The following TDRD5 variants were observed in gnomAD, a reference collection of about 807,000 sequenced individuals.
TDRD5 encodes tudor domain containing 5, also known as tudor domain-containing protein 5.
Under a neutral mutation model 120.6 loss-of-function variants are expected in TDRD5, and 41 were observed. The ratio of observed to expected loss-of-function variants is 0.34; its 90% CI spans 0.26 to 0.44. The LOEUF (loss-of-function observed/expected upper bound fraction) is 0.44, where lower values mean the gene tolerates loss of function less well. Ranked by LOEUF, TDRD5 falls within the 20% of genes least tolerant of loss-of-function variation. The probability of loss-of-function intolerance (pLI) is 1.00; values close to 1 mark genes in which losing one functional copy is unlikely to be tolerated. For synonymous variants in TDRD5, 430 were observed against 433.7 expected, an observed-to-expected ratio of 0.99 and a Z score of 0.11; for missense variants, 1,006 against 1,221.2, an observed-to-expected ratio of 0.82 and a Z score of 2.63.
intron 17 of TDRD5, among the ~76,000 whole-genome samples, chr1:179,670,708 C>T (rs1244684967): frequency 6.6e-6 from 1 of 152,158 alleles, no homozygotes; most frequent in South Asian, 2.1e-4. Flanking sequence ...CATATATCTT[C>T]TTTAGCTAAG....
intron 17 of TDRD5, among the ~76,000 whole-genome samples, chr1:179,674,725 A>T (rs964417129): frequency 3.3e-5 from 5 of 152,052 alleles, no homozygotes; most frequent in African/African-American, 1.2e-4. Context: ...ACTGCTTGTT[A>T]TTGGTCTGAT....
intron 15 of TDRD5, 68 bp from the exon 16 acceptor site, chr1:179,663,280 C>T (rs1679402211): frequency 1.1e-5 from 16 of 1,508,552 alleles, no homozygotes; most frequent in Non-Finnish European, 1.4e-5. Context: ...TTATCTTGCC[C>T]AAGTTATCCT....
chr1:179,663,438 C>G lies in TDRD5; in HGVS notation c.2596C>G (p.Pro866Ala). The change falls in exon 16 of 18, where the codon CCA becomes GCA. Residue 866 changes from proline (P) to alanine (A), a missense_variant. By Grantham distance (27) the Pro-to-Ala change is conservative. Around this residue, in one of 3 missense-constraint regions of TDRD5, gnomAD observed 403 missense variants for 448.1 expected, o/e 0.90. Transcript: ENST00000444136. ...TGGAACGAAAGTAGAAGTTCATAAGCCAGAAGTACTGGGTGCTCAGGAAAA... is the reference window on the plus strand; with the variant it reads ...TGGAACGAAAGTAGAAGTTCATAAGGCAGAAGTACTGGGTGCTCAGGAAAA... Reference protein sequence around the residue: ...VNGTKVEVHKPEVLGAQEKNT... With the variant: ...VNGTKVEVHKAEVLGAQEKNT... 1 of 1,613,658 alleles carries G rather than the reference C, an allele frequency of 6.2e-7. No individual in the cohort carries two copies. The highest frequency in any genetic ancestry group is 1.1e-5 in the South Asian group (1 of 91,026).
chr1:179,595,699 T>C lies in TDRD5; in HGVS notation c.712T>C (p.Cys238Arg). The change falls in exon 4 of 18, where the codon TGC becomes CGC. Residue 238 changes from cysteine to arginine, a missense_variant. Around this residue, in one of 3 missense-constraint regions of TDRD5, gnomAD observed 445 missense variants for 515.5 expected, o/e 0.86. Coordinates refer to ENST00000444136, the MANE Select transcript of TDRD5 (RefSeq NM_001199085.3). Reference sequence around the variant, plus strand: ...CACAGGCTTTCCGGTAGCAAAGCCATGCTTTTCACAACCCACTTCAAACAT... The same window carrying C: ...CACAGGCTTTCCGGTAGCAAAGCCACGCTTTTCACAACCCACTTCAAACAT... Reference protein sequence around the residue: ...YSTGFPVAKPCFSQPTSNMEP... With the variant: ...YSTGFPVAKPRFSQPTSNMEP... 6.2e-7 allele frequency: 1 copy of C among 1,613,756 alleles called. No homozygotes were observed. Among genetic ancestry groups the C allele is most frequent in the Non-Finnish European group, 8.5e-7 (1 of 1,179,828 alleles).
chr1:179,598,577 C>T (rs1477165130), intron 4 of TDRD5, among the ~76,000 whole-genome samples: 2 of 152,108 alleles, frequency 1.3e-5, no homozygotes, highest in African/African-American at 4.8e-5. Context: ...AAAGCTTGCG[C>T]ATATTTTGTT....
chr1:179,634,520 C>T lies in TDRD5; in HGVS notation c.1190C>T (p.Ser397Phe). 2 of 1,613,574 alleles carry T rather than the reference C, an allele frequency of 1.2e-6. No homozygotes were observed. The highest frequency in any genetic ancestry group is 1.7e-6 in the Non-Finnish European group (2 of 1,179,942). The change falls in exon 8 of 18, where the codon TCT becomes TTT. Residue 397 changes from serine to phenylalanine, a missense_variant. Ser to Phe is a radical substitution (Grantham distance 155). Transcript: ENST00000444136. ...TCCAGTCCACCTAGAAATTCATTGT[C>T]TACTGCTGCTGTCAAAGAGACTGTA... Reference protein sequence around the residue: ...CVSSPPRNSLSTAAVKETVWN... With the variant: ...CVSSPPRNSLFTAAVKETVWN...
At position 179,671,949 on chromosome 1, in the gene TDRD5, GGTGTGTGTGTGTGTGTGT is replaced by G. The variant is rs111855083; in HGVS notation, c.2860+2572_2860+2589del. ...TTTTTATGGCTGAGAAATATTCCATGGTGTGTGTGTGTGTGTGTGTGTGTGTGTGTGTGTGTGTGTGTG... is the reference window on the plus strand; with the variant it reads ...TTTTTATGGCTGAGAAATATTCCATGGTGTGTGTGTGTGTGTGTGTGTGTG... On this transcript the variant is annotated intron_variant, in intron 17 of 17. Transcript: ENST00000444136. Among the ~76,000 whole-genome samples the G allele has an allele frequency of 2.6e-3, 365 of 141,804 alleles. 1 individual carries two copies. The highest frequency in any genetic ancestry group is 0.011 in the Middle Eastern group (3 of 284). 93.0% of individuals were successfully genotyped at this position (141,804 alleles called of 152,430 possible). A position where few individuals can be genotyped will look rare whatever the true frequency, so the allele number is the denominator to read the frequency against.
intron 17 of TDRD5, among the ~76,000 whole-genome samples, chr1:179,672,045 A>G (rs1454433346): frequency 6.7e-6 from 1 of 150,222 alleles, no homozygotes; most frequent in Non-Finnish European, 1.5e-5. Context: ...AGCTGGTTCC[A>G]TGTTTTTACC....
At chr1:179,669,479 C>T in intron 17 of TDRD5, 75 bp downstream of exon 17, 3 of 1,519,332 alleles carry the variant, frequency 2.0e-6, no homozygotes, top group Non-Finnish European at 2.7e-6. Flanking sequence ...AACAAACCTT[C>T]ATTTATCCCT....
intron 17 of TDRD5, among the ~76,000 whole-genome samples, chr1:179,675,404 C>T (rs1056299239): frequency 5.4e-5 from 8 of 148,438 alleles, no homozygotes; most frequent in Admixed American, 2.0e-4. Flanking sequence ...CTCAGCCTCC[C>T]GAGTAGCTGG....
chr1:179,686,249 T>C (rs11585779), intron 17 of TDRD5, among the ~76,000 whole-genome samples: 51,254 of 152,064 alleles, frequency 0.34, 8,849 homozygotes, highest in Admixed American at 0.42. Context: ...GTTTTTAGCA[T>C]GAAGGGCTGT....
At chr1:179,595,291 G>A (rs1010300366) in intron 3 of TDRD5, among the ~76,000 whole-genome samples, 1 of 152,040 alleles carries the variant, frequency 6.6e-6, no homozygotes, top group Admixed American at 6.5e-5. Context: ...TGCTAAGCAG[G>A]CTCCTTGGAG....
intron 4 of TDRD5, among the ~76,000 whole-genome samples, chr1:179,610,448 A>G (rs1458132375): frequency 6.6e-6 from 1 of 152,170 alleles, no homozygotes; most frequent in Non-Finnish European, 1.5e-5. Flanking sequence ...CATTCTTTTC[A>G]TCAAAGAAAG....
chr1:179,653,928 T>C (rs545749063), intron 13 of TDRD5, among the ~76,000 whole-genome samples: 1 of 152,216 alleles, frequency 6.6e-6, no homozygotes, highest in African/African-American at 2.4e-5. Flanking sequence ...TTCCACAACA[T>C]TTTTTAGTTC....
chr1:179,659,703 A>C (rs1679195855), intron 14 of TDRD5, among the ~76,000 whole-genome samples: 1 of 151,162 alleles, frequency 6.6e-6, no homozygotes, highest in Non-Finnish European at 1.5e-5. Context: ...TATTTATTTA[A>C]TTTATTTTTT....
intron 4 of TDRD5, among the ~76,000 whole-genome samples, chr1:179,608,767 CATG>C (rs1170766303): frequency 6.6e-6 from 1 of 151,394 alleles, no homozygotes; most frequent in Non-Finnish European, 1.5e-5. Context: ...TTTTCCCTAA[CATG>C]ATCATATTCT....
rs1244109288 is a variant in TDRD5 at position 179,639,950 on chromosome 1, G to C, written c.1632G>C (p.Arg544=). 1.5e-5 allele frequency: 25 copies of C among 1,613,988 alleles called. No homozygotes were observed. Among genetic ancestry groups the C allele is most frequent in the Non-Finnish European group, 2.0e-5 (24 of 1,180,012 alleles). ...VRISEDKWWY[R]VIIHRVLEKQ... Reference sequence around the variant, plus strand: ...TTTCTGAGGATAAGTGGTGGTATCGGGTCATTATCCATCGAGTCCTTGAGA... The same window carrying C: ...TTTCTGAGGATAAGTGGTGGTATCGCGTCATTATCCATCGAGTCCTTGAGA... The change falls in exon 10 of 18, where the codon CGG becomes CGC. Residue 544 remains arginine (R), a synonymous_variant. Transcript: ENST00000444136.
chr1:179,607,752 T>G (rs143226734), intron 4 of TDRD5, among the ~76,000 whole-genome samples: 16 of 152,072 alleles, frequency 1.1e-4, no homozygotes, highest in African/African-American at 3.6e-4. Context: ...CTTAATACAT[T>G]GTTATTTTTG....
chr1:179,681,658 C>T (rs946505377), intron 17 of TDRD5, among the ~76,000 whole-genome samples: 21 of 151,820 alleles, frequency 1.4e-4, no homozygotes, highest in Non-Finnish European at 2.5e-4. Flanking sequence ...GCTGTTATAG[C>T]GTGAAAACAG....
Sources: gnomAD v4.1 joint callset for allele counts (sites outside exome capture counted in the v4.1 genomes callset) on GRCh38, gnomAD v4.1.1 for gene constraint, gnomAD v4.1.1 regional missense constraint, MANE v1.5 for transcripts, NCBI Gene and HGNC (gene_info 2026-07-23, HGNC 2026-07-21) for gene names.